Variants in FGD4 observed in about 807,000 individuals in gnomAD.
FGD4 encodes the protein FYVE, RhoGEF and PH domain containing 4, also known as FYVE, RhoGEF and PH domain-containing protein 4.
A neutral mutation model predicts 102.0 loss-of-function variants in FGD4; 42 were observed. That is an observed-to-expected ratio of 0.41 (90% CI 0.32 to 0.53). The LOEUF (loss-of-function observed/expected upper bound fraction) is 0.53, where lower values mean the gene tolerates loss of function less well. FGD4 is among the 20% of genes least tolerant of loss of function. The pLI, the probability that FGD4 is intolerant of heterozygous loss-of-function variation, is 0.21. For missense variants in FGD4, 902 were observed against 1,078.2 expected, an observed-to-expected ratio of 0.84 and a Z score of 2.29; for synonymous variants, 380 against 375.7, an observed-to-expected ratio of 1.01 and a Z score of -0.13.
intron 1 of FGD4, among the ~76,000 whole-genome samples, chr12:32,491,017 G>A (rs144199782): frequency 0.01 from 1,551 of 151,808 alleles, 20 homozygotes; most frequent in African/African-American, 0.034. Context: ...GTTCACCAGT[G>A]TGGAGACCTT....
intron 1 of FGD4, among the ~76,000 whole-genome samples, chr12:32,496,748 T>C (rs1264987426): frequency 1.3e-5 from 2 of 152,204 alleles, no homozygotes; most frequent in Non-Finnish European, 1.5e-5. Flanking sequence ...AATTAAAATA[T>C]CTAGATTCCA....
rs1341184393 is a variant in FGD4 at position 32,426,999 on chromosome 12, T to C, written c.166+27040T>C. On this transcript the variant is annotated intron_variant, in intron 1 of 16. Transcript: ENST00000534526. The stretch of plus-strand genomic sequence containing the variant: ...GCTAGTGGTCTATTTTGTTAATCTT[T>C]TAAAAAAAACCAGCTCCTGGATTTA... Among the ~76,000 whole-genome samples the C allele has an allele frequency of 5.3e-5, 8 of 152,224 alleles. No homozygotes were observed. In the South Asian group the frequency reaches 1.7e-3, roughly 32 times the overall value.
At chr12:32,538,217 T>A (rs1942473092) in intron 1 of FGD4, among the ~76,000 whole-genome samples, 1 of 152,102 alleles carries the variant, frequency 6.6e-6, no homozygotes. Flanking sequence ...ACTTTTACCA[T>A]TTAGCATGTT....
intron 1 of FGD4, among the ~76,000 whole-genome samples, chr12:32,494,557 G>A (rs1028796235): frequency 5.3e-5 from 8 of 152,170 alleles, no homozygotes; most frequent in African/African-American, 1.9e-4. Flanking sequence ...ACATTTACTG[G>A]TGATACCTGT....
intron 1 of FGD4, among the ~76,000 whole-genome samples, chr12:32,473,331 T>C (rs10743792): frequency 6.6e-6 from 1 of 150,820 alleles, no homozygotes. Context: ...TTTGGGTCCA[T>C]GCTGCTTTTA....
intron 1 of FGD4, chr12:32,502,342 A>G (rs1938286917): frequency 1.0e-6 from 1 of 985,414 alleles, no homozygotes; most frequent in South Asian, 4.7e-5. Flanking sequence ...TTATAAGGTA[A>G]GTAACCCTAG....
At chr12:32,620,469 G>C (rs1949740209) in intron 11 of FGD4, among the ~76,000 whole-genome samples, 1 of 150,556 alleles carries the variant, frequency 6.6e-6, no homozygotes, top group Non-Finnish European at 1.5e-5. Context: ...GGGAGAGAAA[G>C]GTTTGGAGTT....
intron 1 of FGD4, among the ~76,000 whole-genome samples, chr12:32,459,607 G>C (rs1335016251): frequency 6.6e-6 from 1 of 151,084 alleles, no homozygotes; most frequent in Non-Finnish European, 1.5e-5. Context: ...TGCTATTCCT[G>C]AAATAAAAAT....
At chr12:32,568,130 AG>A (rs1945343292) in intron 2 of FGD4, among the ~76,000 whole-genome samples, 1 of 152,246 alleles carries the variant, frequency 6.6e-6, no homozygotes, top group Admixed American at 6.5e-5. Context: ...AATTATTTAT[AG>A]GTTTTTAAAA....
chr12:32,629,749 T>C (rs1487776641), intron 14 of FGD4, among the ~76,000 whole-genome samples: 1 of 152,182 alleles, frequency 6.6e-6, no homozygotes. Flanking sequence ...TTTCCAAAAG[T>C]TTTTCCTTCC....
intron 1 of FGD4, among the ~76,000 whole-genome samples, chr12:32,410,982 G>A (rs1941183966): frequency 6.8e-6 from 1 of 146,432 alleles, no homozygotes; most frequent in Non-Finnish European, 1.5e-5. Context: ...CCAGGCTGGA[G>A]TGCAGTGGTG....
Position 32,638,750 on chromosome 12 carries a change from C to T in FGD4, c.2409C>T (p.Ile803=). The T allele has an allele frequency of 6.2e-7, 1 of 1,614,136 alleles. No homozygotes were observed. Among genetic ancestry groups the T allele is most frequent in the Non-Finnish European group, 8.5e-7 (1 of 1,180,012 alleles). The change falls in exon 16 of 17, where the codon ATC becomes ATT. Residue 803 remains isoleucine (I), a synonymous_variant. Coordinates refer to ENST00000534526, the MANE Select transcript of FGD4 (RefSeq NM_001370298.3). ...CTTGGCAGAAAGCTTGGTGTGTGAT[C>T]CCCAAGCAAGACCCTCTTGTGCTGT... The part of the protein sequence containing the change: ...SKPWQKAWCV[I]PKQDPLVLYM...
At chr12:32,573,743 C>T (rs1945883791) in intron 2 of FGD4, among the ~76,000 whole-genome samples, 1 of 152,148 alleles carries the variant, frequency 6.6e-6, no homozygotes, top group African/African-American at 2.4e-5. Context: ...TTTGATACCT[C>T]CTCTGTGCTT....
intron 1 of FGD4, among the ~76,000 whole-genome samples, chr12:32,413,947 C>A (rs1437450318): frequency 6.7e-6 from 1 of 149,262 alleles, no homozygotes; most frequent in African/African-American, 2.5e-5. Context: ...GATAGGGGAG[C>A]GAAGGTCAGA....
At chr12:32,570,544 C>T (rs1017124145) in intron 2 of FGD4, among the ~76,000 whole-genome samples, 2 of 150,320 alleles carry the variant, frequency 1.3e-5, no homozygotes, top group African/African-American at 2.5e-5. Context: ...CAGGTTCAAG[C>T]GATTCTCCTG....
intron 1 of FGD4, among the ~76,000 whole-genome samples, chr12:32,499,647 A>C (rs1031459905): frequency 6.6e-6 from 1 of 152,348 alleles, no homozygotes; most frequent in East Asian, 1.9e-4. Flanking sequence ...GAGAAAGAAA[A>C]TAAGTCCAAT....
At chr12:32,605,821 G>C (rs1948740918) in intron 7 of FGD4, among the ~76,000 whole-genome samples, 1 of 152,174 alleles carries the variant, frequency 6.6e-6, no homozygotes, top group African/African-American at 2.4e-5. Context: ...ATTTGCCTGT[G>C]AAATAATGTA....
intron 1 of FGD4, among the ~76,000 whole-genome samples, chr12:32,406,597 TG>T (rs1940944502): frequency 6.6e-6 from 1 of 151,766 alleles, no homozygotes; most frequent in South Asian, 2.1e-4. Context: ...ATGTGAAATG[TG>T]GTGAGAGATT....
chr12:32,412,397 T>TAA (rs1055199235), intron 1 of FGD4, among the ~76,000 whole-genome samples: 1 of 152,206 alleles, frequency 6.6e-6, no homozygotes, highest in African/African-American at 2.4e-5. Context: ...TGTTGATTTT[T>TAA]AAGGGCTTTT....
Sources: allele counts gnomAD v4.1 joint callset (sites outside exome capture counted in the v4.1 genomes callset), GRCh38; gene constraint gnomAD v4.1.1; transcripts MANE v1.5; gene names NCBI Gene and HGNC (gene_info 2026-07-23, HGNC 2026-07-21).